The following SGPP1 variants were observed in gnomAD, a reference collection of about 807,000 sequenced individuals.
The protein encoded by SGPP1 is hSPP1.
Under a neutral mutation model 33.0 loss-of-function variants are expected in SGPP1, and 21 were observed. The ratio of observed to expected loss-of-function variants is 0.64; its 90% CI spans 0.45 to 0.92. The LOEUF is 0.92. Among genes scored for constraint, SGPP1 ranks in the 40% least tolerant of loss-of-function variants. The pLI is 0.00. For missense variants in SGPP1, 543 were observed against 589.4 expected (o/e 0.92, Z 0.81); for synonymous variants, 239 against 241.2 (o/e 0.99, Z 0.08).
intron 1 of SGPP1, among the ~76,000 whole-genome samples, chr14:63,723,516 C>T (rs541503002): frequency 4.9e-4 from 75 of 152,084 alleles, no homozygotes; most frequent in East Asian, 9.7e-4. Context: ...GTCAAGAGAT[C>T]GAGACCATCC....
chr14:63,721,543 AT>A (rs1885771312), intron 1 of SGPP1, among the ~76,000 whole-genome samples: 1 of 152,200 alleles, frequency 6.6e-6, no homozygotes, highest in South Asian at 2.1e-4. Context: ...AGGCAAGCCA[AT>A]TCAATTTTTT....
At chr14:63,718,517 T>C (rs1885678362) in intron 1 of SGPP1, among the ~76,000 whole-genome samples, 1 of 152,088 alleles carries the variant, frequency 6.6e-6, no homozygotes, top group African/African-American at 2.4e-5. Context: ...TGGAACATTA[T>C]ACAAAAATAA....
intron 1 of SGPP1, among the ~76,000 whole-genome samples, chr14:63,717,555 C>G (rs2139651702): frequency 6.6e-6 from 1 of 152,172 alleles, no homozygotes; most frequent in East Asian, 1.9e-4. Flanking sequence ...ATCTCCTGAC[C>G]TCGTGATCCG....
At chr14:63,705,177 T>G (rs1289691375) in intron 1 of SGPP1, among the ~76,000 whole-genome samples, 1 of 148,512 alleles carries the variant, frequency 6.7e-6, no homozygotes, top group Non-Finnish European at 1.5e-5. Context: ...TCAAAGGAAA[T>G]TATCAAGAAA....
intron 1 of SGPP1, among the ~76,000 whole-genome samples, chr14:63,720,197 G>T (rs1011278840): frequency 6.6e-5 from 10 of 151,648 alleles, no homozygotes; most frequent in Admixed American, 4.6e-4. Context: ...GTAAGCTGAG[G>T]CAGGAGGATC....
chr14:63,722,336 A>C (rs1016184258), intron 1 of SGPP1, among the ~76,000 whole-genome samples: 3 of 150,714 alleles, frequency 2.0e-5, no homozygotes, highest in Non-Finnish European at 1.5e-5. Flanking sequence ...TAGCCTGACC[A>C]ACATGGTGAA....
intron 1 of SGPP1, among the ~76,000 whole-genome samples, chr14:63,717,992 T>C (rs1295913969): frequency 6.6e-6 from 1 of 152,194 alleles, no homozygotes; most frequent in African/African-American, 2.4e-5. Flanking sequence ...ACAACTGTAA[T>C]CCCAACACTT....
At chr14:63,712,790 G>A (rs1885551256) in intron 1 of SGPP1, among the ~76,000 whole-genome samples, 1 of 136,800 alleles carries the variant, frequency 7.3e-6, no homozygotes, top group Admixed American at 7.1e-5. Flanking sequence ...GAGTAGCTGG[G>A]ACTATAATCC....
At position 63,722,353 on chromosome 14, in the gene SGPP1, T is replaced by C. The variant is rs1404620174; in HGVS notation, c.684+4908A>G. On this transcript the variant is annotated intron_variant, in intron 1 of 2. Coordinates refer to ENST00000247225, the MANE Select transcript of SGPP1 (RefSeq NM_030791.4). Reference sequence around the variant, plus strand: ...GCCTGACCAACATGGTGAAACCCTGTCTCTATTGAAAAAAAAAAAAAAAAA... The same window carrying C: ...GCCTGACCAACATGGTGAAACCCTGCCTCTATTGAAAAAAAAAAAAAAAAA... Among the ~76,000 whole-genome samples the C allele has an allele frequency of 2.1e-5, 3 of 141,806 alleles. No homozygotes were observed. In the East Asian group the frequency reaches 6.0e-4, roughly 28 times the overall value. The allele number at this position is 141,806 out of a possible 152,430, so 93.0% of individuals were successfully genotyped here.
chr14:63,716,260 G>C (rs1885624282), intron 1 of SGPP1, among the ~76,000 whole-genome samples: 1 of 152,154 alleles, frequency 6.6e-6, no homozygotes, highest in African/African-American at 2.4e-5. Context: ...TTGGGAAACG[G>C]GGGTGAGAGG....
intron 1 of SGPP1, among the ~76,000 whole-genome samples, chr14:63,724,026 C>T (rs944866282): frequency 2.6e-5 from 4 of 151,938 alleles, no homozygotes; most frequent in Non-Finnish European, 5.9e-5. Flanking sequence ...TACAGGCATG[C>T]GCCACCATGC....
chr14:63,719,660 T>C (rs1885727114), intron 1 of SGPP1, among the ~76,000 whole-genome samples: 1 of 152,076 alleles, frequency 6.6e-6, no homozygotes, highest in African/African-American at 2.4e-5. Context: ...ATTAATATAT[T>C]GGAACAGCAT....
intron 1 of SGPP1, among the ~76,000 whole-genome samples, chr14:63,717,378 G>T (rs1885656186): frequency 6.7e-6 from 1 of 150,018 alleles, no homozygotes; most frequent in Middle Eastern, 3.2e-3. Flanking sequence ...GCTGTGGCAT[G>T]ATATCCGTTA....
intron 2 of SGPP1, among the ~76,000 whole-genome samples, chr14:63,690,747 G>C (rs561195941): frequency 9.2e-5 from 14 of 152,160 alleles, no homozygotes; most frequent in Admixed American, 1.3e-4. Context: ...GTGTCACTCT[G>C]TTCCCCGGGA....
At chr14:63,700,801 G>C (rs1432127937) in intron 1 of SGPP1, among the ~76,000 whole-genome samples, 2 of 152,054 alleles carry the variant, frequency 1.3e-5, no homozygotes, top group Admixed American at 6.6e-5. Flanking sequence ...CCAGTGAGCT[G>C]GGGAAAAAAG....
chr14:63,694,869 T>A (rs993233924), intron 2 of SGPP1, among the ~76,000 whole-genome samples: 1 of 152,138 alleles, frequency 6.6e-6, no homozygotes, highest in African/African-American at 2.4e-5. Context: ...CTAAATGGAA[T>A]ACTCCAGGTT....
intron 1 of SGPP1, among the ~76,000 whole-genome samples, chr14:63,701,300 T>C (rs1187707681): frequency 6.6e-6 from 1 of 152,130 alleles, no homozygotes; most frequent in African/African-American, 2.4e-5. Context: ...CAAGATTTTG[T>C]TATGTGTTAA....
At chr14:63,701,235 T>G (rs1273172408) in intron 1 of SGPP1, among the ~76,000 whole-genome samples, 1 of 152,134 alleles carries the variant, frequency 6.6e-6, no homozygotes. Context: ...TCACCCGCCT[T>G]GGCCTCCCAC....
chr14:63,701,755 G>A (rs1282266058), intron 1 of SGPP1, among the ~76,000 whole-genome samples: 1 of 152,070 alleles, frequency 6.6e-6, no homozygotes, highest in African/African-American at 2.4e-5. Flanking sequence ...GCTATGTAGA[G>A]ATTAAATTTT....
Sources: gnomAD v4.1 joint callset for allele counts (sites outside exome capture counted in the v4.1 genomes callset) on GRCh38, gnomAD v4.1.1 for gene constraint, MANE v1.5 for transcripts, NCBI Gene and HGNC (gene_info 2026-07-23, HGNC 2026-07-21) for gene names.